The following ASH2L variants were observed in gnomAD, a reference collection of about 807,000 sequenced individuals.
ASH2L encodes the protein ASH2 like, histone lysine methyltransferase complex subunit, also known as set1/Ash2 histone methyltransferase complex subunit ASH2.
In ASH2L, 30 loss-of-function variants were observed where a neutral mutation model predicts 81.1. That is an observed-to-expected ratio of 0.37 (90% CI 0.28 to 0.50). The LOEUF is 0.50. ASH2L is among the 20% of genes least tolerant of loss of function. The pLI is 0.95. For synonymous variants in ASH2L, 273 were observed against 279.9 expected (o/e 0.98, Z 0.24); for missense variants, 559 against 792.1 (o/e 0.71, Z 3.53).
chr8:38,110,785 G>A lies in ASH2L; in HGVS notation c.537G>A (p.Gln179=). 6.2e-7 allele frequency: 1 copy of A among 1,613,998 alleles called. No homozygotes were observed. Among genetic ancestry groups the A allele is most frequent in the Non-Finnish European group, 8.5e-7 (1 of 1,179,990 alleles). ...CLSALANLTW[Q]SRTQDEHPKT... ...GTGCTTTGGCCAACCTGACATGGCAGTCCCGAACACAGGATGAACATCCGA... is the reference window on the plus strand; with the variant it reads ...GTGCTTTGGCCAACCTGACATGGCAATCCCGAACACAGGATGAACATCCGA... Residue 179 remains glutamine (Q), a synonymous_variant, in exon 5 of 16, where the codon CAG becomes CAA. Coordinates refer to ENST00000343823, the MANE Select transcript of ASH2L (RefSeq NM_004674.5).
intron 9 of ASH2L, among the ~76,000 whole-genome samples, chr8:38,119,840 C>T (rs1011406515): frequency 6.6e-6 from 1 of 151,860 alleles, no homozygotes; most frequent in East Asian, 1.9e-4. Context: ...AACCCCAGGC[C>T]GGGCACGGTG....
At chr8:38,130,041 T>C (rs1261337452) in intron 12 of ASH2L, among the ~76,000 whole-genome samples, 1 of 152,198 alleles carries the variant, frequency 6.6e-6, no homozygotes, top group Non-Finnish European at 1.5e-5. Flanking sequence ...TTTATGATTG[T>C]CTGTCAACTT....
chr8:38,134,235 T>C (rs2130578642), intron 13 of ASH2L, among the ~76,000 whole-genome samples: 1 of 152,080 alleles, frequency 6.6e-6, no homozygotes, highest in Admixed American at 6.5e-5. Context: ...TTTGTTCACT[T>C]GTTTGTATGC....
intron 12 of ASH2L, among the ~76,000 whole-genome samples, chr8:38,130,227 C>CTTTT (rs71216650): frequency 1.6e-4 from 14 of 86,210 alleles, no homozygotes; most frequent in Non-Finnish European, 2.0e-4. Flanking sequence ...CTTCTCTGTT[C>CTTTT]TTTTTTTTTT....
At position 38,106,374 on chromosome 8, in the gene ASH2L, A is replaced by G; in HGVS notation, c.189-4A>G. On this transcript the variant is annotated splice_polypyrimidine_tract_variant and splice_region_variant and intron_variant, in intron 1 of 15. Coordinates refer to ENST00000343823, the MANE Select transcript of ASH2L (RefSeq NM_004674.5). Reference sequence around the variant, plus strand: ...CTTACTTGAGCGCTTTCATTATCTTATAGGGAGGCAAACTTGGTCGATGTA... The same window carrying G: ...CTTACTTGAGCGCTTTCATTATCTTGTAGGGAGGCAAACTTGGTCGATGTA... 6.2e-7 allele frequency: 1 copy of G among 1,613,420 alleles called. No individual in the cohort carries two copies. Among genetic ancestry groups the G allele is most frequent in the Non-Finnish European group, 8.5e-7 (1 of 1,179,384 alleles).
rs766869919 is a variant in ASH2L, at chr8:38,138,847, A to G, written c.1751A>G (p.Tyr584Cys). 6 of 1,614,064 alleles carry G rather than the reference A, an allele frequency of 3.7e-6. No individual in the cohort carries two copies. The highest frequency in any genetic ancestry group is 1.3e-5 in the African/African-American group (1 of 74,934). Residue 584 changes from tyrosine to cysteine, a missense_variant, in exon 15 of 16, where the codon TAT becomes TGT. By Grantham distance (194) the Tyr-to-Cys change is radical (BLOSUM62 -2). Around this residue, in one of 4 missense-constraint regions of ASH2L, gnomAD observed 95 missense variants for 130.7 expected, o/e 0.73. Transcript: ENST00000343823. ...ATTAACTTTGGACCATGCTTCAAGT[A>G]TCCTCCGAAGGATCTCACTTACCGC... ...VSINFGPCFK[Y>C]PPKDLTYRPM...
At chr8:38,113,488 T>C (rs1810769563) in intron 5 of ASH2L, among the ~76,000 whole-genome samples, 1 of 152,118 alleles carries the variant, frequency 6.6e-6, no homozygotes. Context: ...GTGGTGGTGC[T>C]TTTGAAGATT....
intron 10 of ASH2L, among the ~76,000 whole-genome samples, chr8:38,125,038 AACTC>A (rs931197528): frequency 8.5e-5 from 13 of 152,100 alleles, no homozygotes; most frequent in African/African-American, 9.6e-5. Flanking sequence ...ATAGAGTGAA[AACTC>A]ACTCACATCC....
intron 1 of ASH2L, 68 bp downstream of exon 1, chr8:38,105,806 T>C (rs1349033215): frequency 6.7e-7 from 1 of 1,483,596 alleles, no homozygotes. Context: ...CCGCGGCTCC[T>C]GGAGCCCTGC....
intron 4 of ASH2L, 49 bp downstream of exon 4, chr8:38,110,516 A>T (rs1441544862): frequency 6.5e-7 from 1 of 1,542,120 alleles, no homozygotes; most frequent in Non-Finnish European, 9.0e-7. Context: ...ACTGGAAAAG[A>T]AAAGGGATCT....
intron 8 of ASH2L, among the ~76,000 whole-genome samples, chr8:38,118,282 G>A (rs1053902739): frequency 2.6e-5 from 4 of 152,172 alleles, no homozygotes; most frequent in African/African-American, 9.7e-5. Context: ...TAATTCCCAA[G>A]CTTGCCCCAA....
chr8:38,111,118 T>G (rs1281131677), intron 5 of ASH2L, among the ~76,000 whole-genome samples: 1 of 152,112 alleles, frequency 6.6e-6, no homozygotes, highest in Non-Finnish European at 1.5e-5. Context: ...GTATTTTTAG[T>G]AGAGACAGGA....
At chr8:38,125,193 A>G (rs1265840743) in intron 10 of ASH2L, among the ~76,000 whole-genome samples, 3 of 152,142 alleles carry the variant, frequency 2.0e-5, no homozygotes, top group East Asian at 1.9e-4. Flanking sequence ...TACCTTGTAC[A>G]CTTTTCACCC....
chr8:38,134,727 TAAAG>T (rs149895999), intron 13 of ASH2L, among the ~76,000 whole-genome samples: 4,669 of 152,046 alleles, frequency 0.031, 265 homozygotes, highest in East Asian at 0.24. Flanking sequence ...GGAGGTGAAA[TAAAG>T]AAACGAGTTT....
chr8:38,115,461 CA>C (rs1369229506), intron 7 of ASH2L, among the ~76,000 whole-genome samples: 9 of 152,162 alleles, frequency 5.9e-5, no homozygotes, highest in African/African-American at 2.2e-4. Flanking sequence ...GTCAGAATGT[CA>C]AATCTTAAAG....
At chr8:38,135,882 C>A in intron 14 of ASH2L, 116 bp downstream of exon 14, 1 of 698,942 alleles carries the variant, frequency 1.4e-6, no homozygotes, top group Non-Finnish European at 2.4e-6. Context: ...GTGGCATGCG[C>A]ATGTGTTGTT....
chr8:38,139,047 G>A lies in ASH2L; in HGVS notation c.1863G>A (p.Arg621=). Residue 621 remains arginine, a synonymous_variant, in exon 16 of 16, where the codon AGG becomes AGA. Coordinates refer to ENST00000343823, the MANE Select transcript of ASH2L (RefSeq NM_004674.5). ...LYHVETEVDG[R]RSPPWEP is the part of the protein sequence containing the mutation. Reference sequence around the variant, plus strand: ...ACGTGGAGACAGAAGTGGATGGGAGGCGCAGTCCCCCATGGGAACCCTGAC... The same window carrying A: ...ACGTGGAGACAGAAGTGGATGGGAGACGCAGTCCCCCATGGGAACCCTGAC... 1 of 1,602,526 alleles carries A rather than the reference G, an allele frequency of 6.2e-7. No homozygotes were observed. The highest frequency in any genetic ancestry group is 2.2e-5 in the East Asian group (1 of 44,656).
intron 3 of ASH2L, among the ~76,000 whole-genome samples, chr8:38,110,074 G>A (rs1585566335): frequency 1.3e-5 from 2 of 152,266 alleles, no homozygotes; most frequent in African/African-American, 4.8e-5. Flanking sequence ...TGTCACTGAG[G>A]GGAATGGATT....
intron 13 of ASH2L, 64 bp from the exon 14 acceptor site, chr8:38,135,602 TAG>T: frequency 8.3e-7 from 1 of 1,210,556 alleles, no homozygotes; most frequent in Non-Finnish European, 1.2e-6. Context: ...CATATTTTCC[TAG>T]AGAGTTCTTT....
Sources: allele counts gnomAD v4.1 joint callset (sites outside exome capture counted in the v4.1 genomes callset), GRCh38; gene constraint gnomAD v4.1.1; regional missense constraint gnomAD v4.1.1; transcripts MANE v1.5; gene names NCBI Gene and HGNC (gene_info 2026-07-23, HGNC 2026-07-21).